Variants in ASIC2 observed in about 807,000 individuals in gnomAD.
The protein encoded by ASIC2 is acid-sensing ion channel 2.
ASIC2 carries 25 observed loss-of-function variants against 57.3 expected under a neutral mutation model. That is an observed-to-expected ratio of 0.44 (90% CI 0.32 to 0.61). The LOEUF (loss-of-function observed/expected upper bound fraction) is 0.61, where lower values mean the gene tolerates loss of function less well. Among genes scored for constraint, ASIC2 ranks in the 20% least tolerant of loss-of-function variants. The pLI is 0.06. For missense variants in ASIC2, 641 were observed against 738.1 expected (o/e 0.87, Z 1.52); for synonymous variants, 319 against 307.5 (o/e 1.04, Z -0.39).
chr17:34,012,055 C>T (rs1021696273), intron 1 of ASIC2, among the ~76,000 whole-genome samples: 1 of 152,202 alleles, frequency 6.6e-6, no homozygotes, highest in African/African-American at 2.4e-5. Flanking sequence ...TCCTTCCTCC[C>T]TCCCCTTATT....
At chr17:33,365,710 T>A (rs923629196) in intron 1 of ASIC2, among the ~76,000 whole-genome samples, 19 of 152,262 alleles carry the variant, frequency 1.2e-4, no homozygotes, top group Admixed American at 9.8e-4. Context: ...AGGTTGGGCC[T>A]GATGACTTAA....
intron 1 of ASIC2, among the ~76,000 whole-genome samples, chr17:33,464,742 G>A (rs916432662): frequency 6.9e-6 from 1 of 145,176 alleles, no homozygotes; most frequent in Non-Finnish European, 1.5e-5. Flanking sequence ...ATAAGTGCCT[G>A]GAAATTAACC....
rs985396790 is a variant in ASIC2 at position 33,951,902 on chromosome 17, C to T, written c.555+204076G>A. Among the ~76,000 whole-genome samples, 30 of 152,148 alleles carry T rather than the reference C, an allele frequency of 2.0e-4. 1 individual carries two copies. Among genetic ancestry groups the T allele is most frequent in the African/African-American group, 7.2e-4 (30 of 41,496 alleles). On this transcript the variant is annotated intron_variant, in intron 1 of 9. Coordinates refer to the ASIC2 transcript ENST00000359872. ...AGCCACCCTGCCTGGTCTCTTCCTC[C>T]TTTCTTACTGAAAGAACCCTTTTCT...
intron 1 of ASIC2, among the ~76,000 whole-genome samples, chr17:33,597,154 C>T (rs374330277): frequency 7.2e-5 from 11 of 152,226 alleles, no homozygotes; most frequent in African/African-American, 1.2e-4. Context: ...ATCAACCCAG[C>T]GGACACCTGT....
At chr17:33,479,295 G>A (rs943797831) in intron 1 of ASIC2, among the ~76,000 whole-genome samples, 3 of 152,062 alleles carry the variant, frequency 2.0e-5, no homozygotes, top group Non-Finnish European at 4.4e-5. Flanking sequence ...CACCACGTCC[G>A]GCCCCTAGGA....
At chr17:33,541,365 C>T (rs1194422077) in intron 1 of ASIC2, 1 of 152,196 alleles carries the variant, frequency 6.6e-6, no homozygotes, top group Non-Finnish European at 1.5e-5. Context: ...AGAAACCCCA[C>T]AATGTCCCCC....
At chr17:33,343,084 C>A (rs1874604) in intron 1 of ASIC2, among the ~76,000 whole-genome samples, 2,843 of 152,254 alleles carry the variant, frequency 0.019, 89 homozygotes, top group African/African-American at 0.065. Context: ...GGAATAGGAG[C>A]GAGCAATCCT....
intron 1 of ASIC2, among the ~76,000 whole-genome samples, chr17:33,415,448 T>G (rs1051021058): frequency 5.3e-5 from 8 of 152,218 alleles, no homozygotes; most frequent in African/African-American, 1.9e-4. Context: ...TTTGAATATT[T>G]TAATCTGAGG....
At chr17:33,881,171 A>G (rs967888484) in intron 1 of ASIC2, among the ~76,000 whole-genome samples, 1 of 152,174 alleles carries the variant, frequency 6.6e-6, no homozygotes, top group African/African-American at 2.4e-5. Flanking sequence ...ATGGGCAAAA[A>G]CTGGAAGCAT....
intron 1 of ASIC2, among the ~76,000 whole-genome samples, chr17:33,426,213 A>G (rs375068675): frequency 1.8e-4 from 27 of 152,292 alleles, no homozygotes; most frequent in Admixed American, 2.6e-4. Context: ...AAATAGCCCA[A>G]TGGTTTGGGG....
chr17:33,303,227 TG>T (rs1906029576), intron 1 of ASIC2, among the ~76,000 whole-genome samples: 1 of 152,174 alleles, frequency 6.6e-6, no homozygotes, highest in South Asian at 2.1e-4. Flanking sequence ...AAGTGGGTGG[TG>T]GCATAGTTCA....
intron 1 of ASIC2, among the ~76,000 whole-genome samples, chr17:33,904,838 G>C (rs772374731): frequency 2.0e-5 from 3 of 152,122 alleles, no homozygotes; most frequent in Non-Finnish European, 4.4e-5. Context: ...TATCTTCTCC[G>C]GGTCTCAGTA....
At chr17:33,417,042 C>A (rs543100500) in intron 1 of ASIC2, among the ~76,000 whole-genome samples, 2 of 152,130 alleles carry the variant, frequency 1.3e-5, no homozygotes. Flanking sequence ...GGTTCCAGTC[C>A]TCCTCTATTT....
intron 1 of ASIC2, among the ~76,000 whole-genome samples, chr17:33,975,107 T>C (rs1042917332): frequency 1.3e-5 from 2 of 152,188 alleles, no homozygotes; most frequent in African/African-American, 2.4e-5. Context: ...TCACTAAATA[T>C]TTGTTGAATG....
Position 33,402,654 on chromosome 17 carries a change from A to G in ASIC2, c.556-290587T>C, listed in dbSNP as rs185143361. Among the ~76,000 whole-genome samples the G allele has an allele frequency of 5.8e-3, 888 of 152,260 alleles. 16 individuals are homozygous for G. The highest frequency in any genetic ancestry group is 8.9e-3 in the East Asian group (46 of 5,180). The stretch of plus-strand genomic sequence containing the variant: ...ATGGCTGTATGGTATTCCATGGTGT[A>G]TATGTACCACATTGTCTTTATCTAG... On this transcript the variant is annotated intron_variant, in intron 1 of 9. Transcript: ENST00000359872.
intron 1 of ASIC2, among the ~76,000 whole-genome samples, chr17:33,196,979 G>C (rs1309550246): frequency 6.6e-6 from 1 of 152,188 alleles, no homozygotes; most frequent in Non-Finnish European, 1.5e-5. Context: ...GCTGGTACAT[G>C]GGACAGGGAG....
At chr17:33,709,573 G>A (rs2142074992) in intron 1 of ASIC2, among the ~76,000 whole-genome samples, 1 of 152,334 alleles carries the variant, frequency 6.6e-6, no homozygotes, top group East Asian at 1.9e-4. Context: ...TCCAGACTGA[G>A]AAGTAAATTT....
At chr17:33,855,409 T>A (rs1183428870) in intron 1 of ASIC2, among the ~76,000 whole-genome samples, 1 of 152,204 alleles carries the variant, frequency 6.6e-6, no homozygotes, top group South Asian at 2.1e-4. Context: ...TTTCCCCAAG[T>A]CCCACATAAA....
chr17:33,882,372 G>A (rs1347107134), intron 1 of ASIC2, among the ~76,000 whole-genome samples: 1 of 152,066 alleles, frequency 6.6e-6, no homozygotes, highest in African/African-American at 2.4e-5. Context: ...CTGACAAAGG[G>A]CTAATATCCA....
Sources: allele counts gnomAD v4.1 joint callset (sites outside exome capture counted in the v4.1 genomes callset), GRCh38; gene constraint gnomAD v4.1.1; transcripts MANE v1.5; gene names NCBI Gene and HGNC (gene_info 2026-07-23, HGNC 2026-07-21).